The following PRKG1 variants were observed in gnomAD, a reference collection of about 807,000 sequenced individuals.
The protein encoded by PRKG1 is cGMP-dependent protein kinase 1.
PRKG1 carries 35 observed loss-of-function variants against 88.1 expected under a neutral mutation model. The ratio of observed to expected loss-of-function variants is 0.40; its 90% CI spans 0.30 to 0.53. The LOEUF is 0.53. Among genes scored for constraint, PRKG1 ranks in the 20% least tolerant of loss-of-function variants. The probability of loss-of-function intolerance (pLI) is 0.59; values close to 1 mark genes in which losing one functional copy is unlikely to be tolerated. For synonymous variants in PRKG1, 303 were observed against 292.5 expected (o/e 1.04, Z -0.37); for missense variants, 540 against 839.8 (o/e 0.64, Z 4.41).
intron 5 of PRKG1, chr10:51,908,734 A>ATATATATATATATATATTTT (rs563212069): frequency 7.7e-5 from 4 of 52,232 alleles, no homozygotes; most frequent in South Asian, 4.7e-4. Flanking sequence ...TCTATATGTA[A>ATATATATATATATATATTTT]TTTTTTTTTT....
chr10:51,148,386 T>C (rs1427563826), intron 1 of PRKG1: 1 of 443,602 alleles, frequency 2.3e-6, no homozygotes, highest in Non-Finnish European at 3.0e-6. Context: ...AGATTTGTGC[T>C]ACATTTTCAG....
At chr10:51,233,064 G>A (rs757045053) in intron 2 of PRKG1, among the ~76,000 whole-genome samples, 3 of 152,164 alleles carry the variant, frequency 2.0e-5, no homozygotes, top group Non-Finnish European at 2.9e-5. Context: ...ACCATGCTGA[G>A]AATATGCAAG....
At chr10:52,168,430 G>A (rs780307874) in intron 9 of PRKG1, among the ~76,000 whole-genome samples, 3 of 152,162 alleles carry the variant, frequency 2.0e-5, no homozygotes, top group Non-Finnish European at 2.9e-5. Flanking sequence ...AATTAAAGTA[G>A]CAATATGCCT....
intron 3 of PRKG1, among the ~76,000 whole-genome samples, chr10:51,502,305 C>T (rs1841051841): frequency 1.3e-5 from 2 of 152,138 alleles, no homozygotes; most frequent in Non-Finnish European, 2.9e-5. Flanking sequence ...TCCCTGGTGT[C>T]ACTCAACTGC....
At chr10:52,132,049 A>G (rs1211598404) in intron 7 of PRKG1, among the ~76,000 whole-genome samples, 1 of 152,010 alleles carries the variant, frequency 6.6e-6, no homozygotes, top group Admixed American at 6.6e-5. Flanking sequence ...TACTCATAAG[A>G]AAAACATAAT....
At chr10:51,534,536 C>T (rs1842094874) in intron 3 of PRKG1, among the ~76,000 whole-genome samples, 2 of 114,566 alleles carry the variant, frequency 1.7e-5, no homozygotes, top group African/African-American at 3.1e-5. Context: ...GGCGAGGTGG[C>T]GGGCTCCTGT....
chr10:51,132,215 GTTC>G (rs1845583308), intron 1 of PRKG1, among the ~76,000 whole-genome samples: 2 of 152,094 alleles, frequency 1.3e-5, no homozygotes, highest in African/African-American at 4.8e-5. Context: ...TACACTTTTA[GTTC>G]TTCTGGGTTT....
intron 3 of PRKG1, among the ~76,000 whole-genome samples, chr10:51,617,615 C>T (rs1030094514): frequency 3.3e-5 from 5 of 152,170 alleles, no homozygotes; most frequent in African/African-American, 9.7e-5. Flanking sequence ...AGTACAGTAA[C>T]GTGCTCTATA....
At chr10:52,292,105 G>C (rs1265936339) in intron 17 of PRKG1, among the ~76,000 whole-genome samples, 2 of 152,106 alleles carry the variant, frequency 1.3e-5, no homozygotes, top group African/African-American at 4.8e-5. Flanking sequence ...TTTTGATGGG[G>C]TTGTTTGTTT....
intron 1 of PRKG1, among the ~76,000 whole-genome samples, chr10:51,076,854 A>G (rs1315557008): frequency 6.6e-6 from 1 of 152,222 alleles, no homozygotes; most frequent in African/African-American, 2.4e-5. Context: ...TCTATCAAAC[A>G]ACACTGTGTG....
At chr10:51,148,576 A>G (rs552104945) in intron 1 of PRKG1, among the ~76,000 whole-genome samples, 3 of 152,122 alleles carry the variant, frequency 2.0e-5, no homozygotes, top group Non-Finnish European at 4.4e-5. Flanking sequence ...AACTGATCTA[A>G]AACATGAGTG....
At chr10:51,180,855 T>G (rs1035742872) in intron 2 of PRKG1, among the ~76,000 whole-genome samples, 2 of 152,192 alleles carry the variant, frequency 1.3e-5, no homozygotes, top group Non-Finnish European at 2.9e-5. Context: ...ATTTGTCTAT[T>G]TCTTAGAATG....
Position 51,148,116 on chromosome 10 carries a change from G to A in PRKG1, c.312-5048G>A, listed in dbSNP as rs74131770. On this transcript the variant is annotated intron_variant, in intron 1 of 17. Transcript: ENST00000373980. ...AAATATTTCACAATAGATGGATGGA[G>A]TTGTCCTTTGAAAATAACTCGGAAT... 712 of 319,490 alleles carry A rather than the reference G, an allele frequency of 2.2e-3. 12 individuals carry two copies. Among genetic ancestry groups the A allele is most frequent in the African/African-American group, 0.015 (674 of 44,454 alleles). The allele number at this position is 319,490 out of a possible 1,614,324, so 19.8% of individuals were successfully genotyped here.
chr10:51,102,816 A>G lies in PRKG1; in HGVS notation c.311+27915A>G, dbSNP rs562822597. Among the ~76,000 whole-genome samples the G allele has an allele frequency of 4.6e-5, 7 of 152,292 alleles. No homozygotes were observed. The East Asian group carries it at 1.4e-3, about 29-fold the overall frequency. ...TTCACAAAGTATTTTGGTGAAGCAAATAATGTAAAAGAGAAACACACACAC... is the reference window on the plus strand; with the variant it reads ...TTCACAAAGTATTTTGGTGAAGCAAGTAATGTAAAAGAGAAACACACACAC... On this transcript the variant is annotated intron_variant, in intron 1 of 17. Transcript: ENST00000373980.
chr10:51,871,766 A>G (rs1477291730), intron 4 of PRKG1, among the ~76,000 whole-genome samples: 1 of 152,190 alleles, frequency 6.6e-6, no homozygotes, highest in Non-Finnish European at 1.5e-5. Context: ...TGTAGGTCCA[A>G]CACCTGGAGG....
intron 5 of PRKG1, among the ~76,000 whole-genome samples, chr10:51,983,447 G>A (rs1410773887): frequency 6.6e-6 from 1 of 152,148 alleles, no homozygotes; most frequent in Non-Finnish European, 1.5e-5. Context: ...GGCCCCCAGG[G>A]CACCTGAGGC....
intron 2 of PRKG1, among the ~76,000 whole-genome samples, chr10:51,187,929 T>G (rs1262890375): frequency 1.3e-5 from 2 of 152,098 alleles, no homozygotes; most frequent in South Asian, 2.1e-4. Context: ...AGACAAAAGT[T>G]ACTCTGCTGA....
chr10:51,589,687 A>G (rs1838262289), intron 3 of PRKG1, among the ~76,000 whole-genome samples: 1 of 152,186 alleles, frequency 6.6e-6, no homozygotes, highest in Non-Finnish European at 1.5e-5. Flanking sequence ...TATAAAATGG[A>G]TATTTACCAG....
intron 2 of PRKG1, among the ~76,000 whole-genome samples, chr10:51,280,931 G>A (rs1303540832): frequency 6.6e-6 from 1 of 152,208 alleles, no homozygotes; most frequent in Non-Finnish European, 1.5e-5. Context: ...TTTGGAGGGG[G>A]AGAGGTGCTC....
Sources: allele counts gnomAD v4.1 joint callset (sites outside exome capture counted in the v4.1 genomes callset), GRCh38; gene constraint gnomAD v4.1.1; transcripts MANE v1.5; gene names NCBI Gene and HGNC (gene_info 2026-07-23, HGNC 2026-07-21).